The following PCDHGB1 variants were observed in gnomAD, a reference collection of about 807,000 sequenced individuals.
PCDHGB1 encodes protocadherin gamma-B1.
In PCDHGB1, 34 loss-of-function variants were observed where a neutral mutation model predicts 56.6. That is an observed-to-expected ratio of 0.60 (90% CI 0.46 to 0.80). The LOEUF (loss-of-function observed/expected upper bound fraction) is 0.80. Among genes scored for constraint, PCDHGB1 ranks in the 30% least tolerant of loss-of-function variants. PCDHGB1 has a pLI of 0.00. For synonymous variants in PCDHGB1, 561 were observed against 505.9 expected, an observed-to-expected ratio of 1.11 and a Z score of -1.46; for missense variants, 1,278 against 1,204.6, an observed-to-expected ratio of 1.06 and a Z score of -0.90.
intron 1 of PCDHGB1, chr5:141,398,470 A>G: frequency 6.2e-7 from 1 of 1,604,828 alleles, no homozygotes; most frequent in Non-Finnish European, 8.5e-7. Flanking sequence ...AAATCCACTG[A>G]ACTTTTATCA....
At position 141,371,726 on chromosome 5, in the gene PCDHGB1, T is replaced by A. The variant is rs769173416; in HGVS notation, c.2409+19057T>A. The A allele has an allele frequency of 9.9e-6, 16 of 1,613,932 alleles. 2 individuals carry two copies. In the South Asian group the frequency reaches 1.3e-4, roughly 13 times the overall value. The stretch of plus-strand genomic sequence containing the variant: ...AGACCATCACTCTGCACATCCTTGA[T>A]GTCAACGACAACGTTCCCGTTTTCC... On this transcript the variant is annotated intron_variant, in intron 1 of 3. Coordinates refer to ENST00000523390, the MANE Select transcript of PCDHGB1 (RefSeq NM_018922.3).
chr5:141,366,634 G>T, intron 1 of PCDHGB1: 1 of 1,614,220 alleles, frequency 6.2e-7, no homozygotes, highest in African/African-American at 1.3e-5. Context: ...AGAGTCACCT[G>T]ATCTTTCCCC....
At chr5:141,362,726 A>T (rs1762654584) in intron 1 of PCDHGB1, 1 of 822,880 alleles carries the variant, frequency 1.2e-6, no homozygotes, top group Admixed American at 3.0e-5. Flanking sequence ...CTGAAGTGTG[A>T]GATTTATTTA....
chr5:141,423,086 T>TG, intron 1 of PCDHGB1: 1 of 1,613,912 alleles, frequency 6.2e-7, no homozygotes, highest in South Asian at 1.1e-5. Flanking sequence ...CTCTTCGCGG[T>TG]GGGGGAGCAC....
intron 1 of PCDHGB1, chr5:141,364,783 G>T (rs1763536521): frequency 6.2e-7 from 1 of 1,614,030 alleles, no homozygotes; most frequent in East Asian, 2.2e-5. Context: ...CAGGGACACG[G>T]TTAGTGCTTC....
rs551330964 is a variant in PCDHGB1, at chr5:141,388,155, G to T, written c.2409+35486G>T. On this transcript the variant is annotated intron_variant, in intron 1 of 3. Coordinates refer to ENST00000523390, the MANE Select transcript of PCDHGB1 (RefSeq NM_018922.3). ...GGAGTTGCTTGTGAGCAGCAGGCTA[G>T]ACAGGGAGGAGATATGCGGGAAGAA... is the stretch of plus-strand genomic sequence containing the variant. The T allele has an allele frequency of 1.2e-5, 18 of 1,469,902 alleles. No homozygotes were observed. The African/African-American group carries it at 2.5e-4, about 21-fold the overall frequency. 91.1% of individuals were successfully genotyped at this position (1,469,902 alleles called of 1,614,324 possible). A position where few individuals can be genotyped will look rare whatever the true frequency, so the allele number is the denominator to read the frequency against.
chr5:141,360,337 G>A (rs752357718), intron 1 of PCDHGB1: 1 of 1,613,974 alleles, frequency 6.2e-7, no homozygotes, highest in East Asian at 2.2e-5. Context: ...GAAGCTGCGG[G>A]TTAGCGCGGA....
Position 141,491,004 on chromosome 5 carries a change from G to T in PCDHGB1, c.2410-3803G>T. ...CTCGCTCTGCTCCTCCTGGCTCCTT[G>T]GTCACCAAGGTGACAGCCGTGGATG... On this transcript the variant is annotated intron_variant, in intron 1 of 3. Transcript: ENST00000523390. The surrounding 1 kb of genome is among the most constrained non-coding windows in gnomAD (Gnocchi z 6.9). The T allele has an allele frequency of 6.2e-7, 1 of 1,614,024 alleles. No individual in the cohort carries two copies. Among genetic ancestry groups the T allele is most frequent in the Non-Finnish European group, 8.5e-7 (1 of 1,180,026 alleles).
At chr5:141,488,978 C>T (rs1346335195) in intron 1 of PCDHGB1, 4 of 388,976 alleles carry the variant, frequency 1.0e-5, no homozygotes, top group African/African-American at 2.1e-5. Flanking sequence ...GCCAATCAGA[C>T]TCAGAGCTGA....
At chr5:141,437,150 A>T (rs572721302) in intron 1 of PCDHGB1, among the ~76,000 whole-genome samples, 1 of 152,328 alleles carries the variant, frequency 6.6e-6, no homozygotes, top group East Asian at 1.9e-4. Flanking sequence ...CATAATTAAC[A>T]TATGTGTTGA....
chr5:141,511,135 G>A lies in PCDHGB1; in HGVS notation c.2746G>A (p.Gly916Ser), dbSNP rs200541479. Residue 916 changes from glycine to serine, a missense_variant, in exon 4 of 4, where the codon GGC becomes AGC. Physicochemically the swap from Gly to Ser is moderately conservative, Grantham distance 56. Coordinates refer to ENST00000523390, the MANE Select transcript of PCDHGB1 (RefSeq NM_018922.3). The stretch of plus-strand genomic sequence containing the variant: ...TGGCAAGGCCCCAGCAGGTGGCAAT[G>A]GCAACAAGAAGAAGTCGGGCAAGAA... ...RDGKAPAGGN[G>S]NKKKSGKKEK... 2.8e-4 allele frequency: 448 copies of A among 1,614,188 alleles called. No homozygotes were observed. Among genetic ancestry groups the A allele is most frequent in the Non-Finnish European group, 3.0e-4 (352 of 1,180,016 alleles).
chr5:141,415,112 T>G, intron 1 of PCDHGB1: 1 of 1,613,626 alleles, frequency 6.2e-7, no homozygotes, highest in Non-Finnish European at 8.5e-7. Flanking sequence ...AAGCAAAGCC[T>G]CGTAGTGGCC....
rs535152193 is a variant in PCDHGB1, at chr5:141,422,906, C to G, written c.2409+70237C>G. ...TTCGTGCTGGACCAGAACGACAATG[C>G]GCCCGAGATCCTGTACCCTGCCCTC... On this transcript the variant is annotated intron_variant, in intron 1 of 3. Transcript: ENST00000523390. 6 of 1,614,264 alleles carry G rather than the reference C, an allele frequency of 3.7e-6. No homozygotes were observed. The South Asian group carries it at 6.6e-5, about 18-fold the overall frequency.
intron 1 of PCDHGB1, chr5:141,393,081 A>T (rs1005323306): frequency 6.2e-7 from 1 of 1,613,672 alleles, no homozygotes; most frequent in South Asian, 1.1e-5. Flanking sequence ...CGCGGGCAGG[A>T]TAGATCGGGA....
At position 141,485,343 on chromosome 5, in the gene PCDHGB1, A is replaced by G; in HGVS notation, c.2410-9464A>G. ...GCTCAAGATTTCCTGCTGGATACGG[A>G]CAGTCTGTCAGCTCGCAGGCTGCAG... On this transcript the variant is annotated intron_variant, in intron 1 of 3. Transcript: ENST00000523390. This position sits in a 1 kb window ranked among gnomAD's most constrained non-coding sequence, Gnocchi z 5.7. 1 of 1,614,062 alleles carries G rather than the reference A, an allele frequency of 6.2e-7. No homozygotes were observed. Among genetic ancestry groups the G allele is most frequent in the Non-Finnish European group, 8.5e-7 (1 of 1,179,984 alleles).
rs759446483 is a variant in PCDHGB1 at position 141,376,133 on chromosome 5, C to T, written c.2409+23464C>T. On this transcript the variant is annotated intron_variant, in intron 1 of 3. Coordinates refer to ENST00000523390, the MANE Select transcript of PCDHGB1 (RefSeq NM_018922.3). ...GGGCAGCCTCGAGCCCTCCGCCAAA[C>T]CCAACGATTCGGACCTCACTCTGTA... 1.8e-5 allele frequency: 29 copies of T among 1,613,956 alleles called. No homozygotes were observed. The East Asian group carries it at 6.2e-4, about 35-fold the overall frequency.
At chr5:141,441,890 T>C (rs967557692) in intron 1 of PCDHGB1, 18 of 348,170 alleles carry the variant, frequency 5.2e-5, no homozygotes, top group Non-Finnish European at 7.2e-5. Flanking sequence ...GTCACCAAGG[T>C]GGTGGCTGTA....
At chr5:141,367,748 C>T (rs1765315661) in intron 1 of PCDHGB1, 1 of 152,176 alleles carries the variant, frequency 6.6e-6, no homozygotes, top group African/African-American at 2.4e-5. Flanking sequence ...CAGAGAGTTA[C>T]ATACTGCTGC....
intron 1 of PCDHGB1, among the ~76,000 whole-genome samples, chr5:141,369,777 G>A (rs1766479058): frequency 1.3e-5 from 2 of 152,188 alleles, no homozygotes; most frequent in South Asian, 2.1e-4. Context: ...GATATTTCAA[G>A]CCTCTTTATA....
Sources: gnomAD v4.1 joint callset for allele counts (sites outside exome capture counted in the v4.1 genomes callset) on GRCh38, gnomAD v4.1.1 for gene constraint, Gnocchi (gnomAD v3.1) non-coding constraint, MANE v1.5 for transcripts, NCBI Gene and HGNC (gene_info 2026-07-23, HGNC 2026-07-21) for gene names.